The following SLC4A5 variants were observed in gnomAD, a reference collection of about 807,000 sequenced individuals.
The protein encoded by SLC4A5 is solute carrier family 4 member 5, also known as electrogenic sodium bicarbonate cotransporter 4.
Under a neutral mutation model 120.4 loss-of-function variants are expected in SLC4A5, and 96 were observed. The ratio of observed to expected loss-of-function variants is 0.80; its 90% CI spans 0.68 to 0.94. SLC4A5 has a LOEUF of 0.94. Among genes scored for constraint, SLC4A5 ranks in the 40% least tolerant of loss-of-function variants. The probability of loss-of-function intolerance (pLI) is 0.00; values close to 1 mark genes in which losing one functional copy is unlikely to be tolerated. For missense variants in SLC4A5, 1,259 were observed against 1,459.5 expected (o/e 0.86, Z 2.24); for synonymous variants, 550 against 571.1 (o/e 0.96, Z 0.53).
chr2:74,332,637 T>C (rs535449538), intron 4 of SLC4A5, among the ~76,000 whole-genome samples: 1 of 152,272 alleles, frequency 6.6e-6, no homozygotes, highest in South Asian at 2.1e-4. Context: ...CTTTTGTCTC[T>C]GGAAAAAGCC....
intron 18 of SLC4A5, among the ~76,000 whole-genome samples, chr2:74,247,892 A>G (rs965316290): frequency 6.6e-6 from 1 of 152,174 alleles, no homozygotes; most frequent in Non-Finnish European, 1.5e-5. Context: ...AGTTGGTAAC[A>G]GACACCAGAG....
At chr2:74,281,563 A>T (rs1173409591) in intron 8 of SLC4A5, among the ~76,000 whole-genome samples, 1 of 152,238 alleles carries the variant, frequency 6.6e-6, no homozygotes, top group Non-Finnish European at 1.5e-5. Context: ...ATAAAAATCT[A>T]TCTTATTAAC....
rs1670232353 is a variant in SLC4A5 at position 74,235,222 on chromosome 2, CAGG to C, written c.2320-11_2320-9del. 1 of 1,610,662 alleles carries C rather than the reference CAGG, an allele frequency of 6.2e-7. No homozygotes were observed. Reference sequence around the variant, plus strand: ...AGCCACCAGGGCCCGGACCTGCAGACAGGAGATGAGCAAGTAAAAGAAGTGAGT... The same window carrying C: ...AGCCACCAGGGCCCGGACCTGCAGACAGATGAGCAAGTAAAAGAAGTGAGT... On this transcript the variant is annotated splice_polypyrimidine_tract_variant and intron_variant, in intron 21 of 30. Transcript: ENST00000394019.
intron 7 of SLC4A5, among the ~76,000 whole-genome samples, chr2:74,297,933 G>C (rs950619880): frequency 1.3e-5 from 2 of 152,090 alleles, no homozygotes; most frequent in African/African-American, 4.8e-5. Context: ...TATCAGCCAG[G>C]GTCCAATATG....
intron 7 of SLC4A5, 21 bp downstream of exon 7, chr2:74,304,467 AT>A: frequency 1.3e-6 from 2 of 1,589,708 alleles, no homozygotes; most frequent in Non-Finnish European, 8.6e-7. Flanking sequence ...GCTCCCCAGA[AT>A]GTACCCCTCA....
chr2:74,252,979 G>T, exon 15 of SLC4A5: 1 of 1,614,082 alleles, frequency 6.2e-7, no homozygotes, highest in Non-Finnish European at 8.5e-7. Context: ...CACACCTCTT[G>T]TCAGCAGAGG....
intron 8 of SLC4A5, among the ~76,000 whole-genome samples, chr2:74,275,360 T>G (rs893970877): frequency 6.6e-6 from 1 of 152,220 alleles, no homozygotes; most frequent in Non-Finnish European, 1.5e-5. Context: ...AAATTCTGAA[T>G]GGGCTCCTTC....
chr2:74,308,392 AT>A (rs1440418424), intron 6 of SLC4A5, among the ~76,000 whole-genome samples: 2 of 152,330 alleles, frequency 1.3e-5, no homozygotes, highest in East Asian at 3.9e-4. Context: ...AGCATTTGGT[AT>A]TGGCAGTTTT....
At chr2:74,271,103 G>A (rs1354575411) in intron 8 of SLC4A5, among the ~76,000 whole-genome samples, 1 of 152,174 alleles carries the variant, frequency 6.6e-6, no homozygotes, top group Non-Finnish European at 1.5e-5. Flanking sequence ...GGTCTGGAAT[G>A]AGGTCAAAGA....
chr2:74,336,531 T>G (rs951189765), intron 3 of SLC4A5, among the ~76,000 whole-genome samples: 1 of 152,008 alleles, frequency 6.6e-6, no homozygotes, highest in Non-Finnish European at 1.5e-5. Context: ...TTAAATGAGG[T>G]AACATACATG....
At chr2:74,331,812 C>T (rs898017906) in intron 4 of SLC4A5, among the ~76,000 whole-genome samples, 1 of 152,086 alleles carries the variant, frequency 6.6e-6, no homozygotes, top group Admixed American at 6.6e-5. Context: ...CTCATGCTAT[C>T]TAGCAGAGGA....
intron 7 of SLC4A5, among the ~76,000 whole-genome samples, chr2:74,297,819 G>A (rs935884604): frequency 1.3e-5 from 2 of 152,168 alleles, no homozygotes; most frequent in Non-Finnish European, 2.9e-5. Context: ...GTGTGGTAAG[G>A]AGGGAGAGAG....
chr2:74,283,121 G>T (rs908861857), intron 8 of SLC4A5, among the ~76,000 whole-genome samples: 1 of 152,166 alleles, frequency 6.6e-6, no homozygotes, highest in African/African-American at 2.4e-5. Flanking sequence ...ACAGTCACTG[G>T]AAGTTAGAGA....
At chr2:74,233,315 C>T (rs1670157032) in intron 23 of SLC4A5, 87 bp downstream of exon 23, 2 of 1,497,478 alleles carry the variant, frequency 1.3e-6, no homozygotes, top group African/African-American at 2.8e-5. Flanking sequence ...GCCCAAAGTA[C>T]TGAAAGAAGC....
intron 23 of SLC4A5, 67 bp downstream of exon 23, chr2:74,233,335 T>G (rs1670157534): frequency 6.4e-7 from 1 of 1,572,234 alleles, no homozygotes; most frequent in African/African-American, 1.4e-5. Flanking sequence ...CATCATGTCC[T>G]TCCTTCGCTC....
At chr2:74,219,353 C>T (rs1694550025) in intron 30 of SLC4A5, among the ~76,000 whole-genome samples, 1 of 152,152 alleles carries the variant, frequency 6.6e-6, no homozygotes, top group South Asian at 2.1e-4. Context: ...GCTACTCCCT[C>T]CCTGTGTACT....
chr2:74,329,524 G>A (rs1288275824), intron 4 of SLC4A5, among the ~76,000 whole-genome samples: 2 of 152,188 alleles, frequency 1.3e-5, no homozygotes, highest in African/African-American at 4.8e-5. Flanking sequence ...AGGAGGCGGA[G>A]GTTGCAGTGA....
chr2:74,270,544 G>A (rs1213618545), intron 8 of SLC4A5, among the ~76,000 whole-genome samples: 3 of 152,186 alleles, frequency 2.0e-5, no homozygotes, highest in African/African-American at 4.8e-5. Flanking sequence ...GTGGTGGCAG[G>A]CGCTTGTAGT....
intron 4 of SLC4A5, among the ~76,000 whole-genome samples, chr2:74,333,240 T>A (rs1673405059): frequency 6.6e-6 from 1 of 152,148 alleles, no homozygotes; most frequent in Admixed American, 6.5e-5. Context: ...ACAAAAAAAT[T>A]ATCTGACCCC....
Sources: gnomAD v4.1 joint callset for allele counts (sites outside exome capture counted in the v4.1 genomes callset) on GRCh38, gnomAD v4.1.1 for gene constraint, MANE v1.5 for transcripts, NCBI Gene and HGNC (gene_info 2026-07-23, HGNC 2026-07-21) for gene names.